Variants in ZNF317 observed in about 807,000 individuals in gnomAD.
The protein encoded by ZNF317 is zinc finger protein 317.
Under a neutral mutation model 23.4 loss-of-function variants are expected in ZNF317, and 17 were observed. The ratio of observed to expected loss-of-function variants is 0.73; its 90% CI spans 0.50 to 1.09. The LOEUF is 1.09. Ranked by LOEUF, ZNF317 falls within the 50% of genes least tolerant of loss-of-function variation. ZNF317 has a pLI of 0.00. For missense variants in ZNF317, 679 were observed against 796.7 expected, an observed-to-expected ratio of 0.85 and a Z score of 1.78; for synonymous variants, 317 against 314.9, an observed-to-expected ratio of 1.01 and a Z score of -0.07.
intron 1 of ZNF317, among the ~76,000 whole-genome samples, chr19:9,153,825 G>A (rs541159553): frequency 6.6e-6 from 1 of 152,278 alleles, no homozygotes; most frequent in Admixed American, 6.5e-5. Flanking sequence ...CACTGACACG[G>A]GAGTAAATTG....
intron 1 of ZNF317, among the ~76,000 whole-genome samples, chr19:9,149,299 C>G (rs904988965): frequency 2.0e-5 from 3 of 151,990 alleles, no homozygotes; most frequent in Non-Finnish European, 4.4e-5. Context: ...CATGGTGAAA[C>G]CCTGTCTCTA....
intron 1 of ZNF317, among the ~76,000 whole-genome samples, chr19:9,154,988 G>A (rs976697773): frequency 1.2e-4 from 19 of 152,262 alleles, no homozygotes; most frequent in African/African-American, 4.6e-4. Context: ...TGAAATGTCT[G>A]TTTATTAATT....
chr19:9,155,168 G>A (rs753881340), intron 1 of ZNF317, among the ~76,000 whole-genome samples: 7 of 151,836 alleles, frequency 4.6e-5, no homozygotes, highest in South Asian at 4.2e-4. Context: ...TTCCCAATCC[G>A]TGGTTCACTG....
intron 6 of ZNF317, 26 bp downstream of exon 6, chr19:9,158,934 G>T (rs749021987): frequency 1.3e-6 from 2 of 1,544,340 alleles, no homozygotes; most frequent in African/African-American, 2.7e-5. Context: ...GATAATTCTG[G>T]ATCTTCCTTC....
rs200823628 is a variant in ZNF317 at position 9,158,377 on chromosome 19, T to C, written c.385+302T>C. 1.3e-3 allele frequency among the ~76,000 whole-genome samples: 164 copies of C among 128,318 alleles called. 4 individuals carry two copies. In the East Asian group the frequency reaches 0.028, roughly 22 times the overall value. 84.2% of individuals were successfully genotyped at this position (128,318 alleles called of 152,430 possible). Reference sequence around the variant, plus strand: ...ATTTCTTTTTTCTTTTTTTTTTTTTTTTTTTTTTTTTTTTGACGGAGTCTC... The same window carrying C: ...ATTTCTTTTTTCTTTTTTTTTTTTTCTTTTTTTTTTTTTTGACGGAGTCTC... On this transcript the variant is annotated intron_variant, in intron 5 of 6. Coordinates refer to ENST00000247956, the MANE Select transcript of ZNF317 (RefSeq NM_020933.5).
intron 1 of ZNF317, among the ~76,000 whole-genome samples, chr19:9,148,563 C>T (rs2050708452): frequency 1.7e-5 from 2 of 117,486 alleles, no homozygotes; most frequent in South Asian, 2.3e-4. Flanking sequence ...TATGGTCTCC[C>T]AAGGTCTGGG....
intron 1 of ZNF317, among the ~76,000 whole-genome samples, chr19:9,153,267 T>C (rs1253562835): frequency 6.6e-6 from 1 of 152,160 alleles, no homozygotes; most frequent in Non-Finnish European, 1.5e-5. Context: ...GTTCAAGCGA[T>C]TCTCCTGCCT....
chr19:9,148,503 G>A (rs1164705406), intron 1 of ZNF317, among the ~76,000 whole-genome samples: 1 of 152,124 alleles, frequency 6.6e-6, no homozygotes, highest in Non-Finnish European at 1.5e-5. Context: ...TAATTTCACA[G>A]GACCTTCTGA....
At position 9,147,175 on chromosome 19, in the gene ZNF317, T is replaced by A. The variant is rs191298331; in HGVS notation, c.-93+6583T>A. 2.6e-5 allele frequency among the ~76,000 whole-genome samples: 4 copies of A among 152,092 alleles called. No individual in the cohort carries two copies. The East Asian group carries it at 7.8e-4, about 29-fold the overall frequency. ...TGGTGAGGAGAAAAACAGATCCCAA[T>A]GAGAATAGAGTAAGATGTGTAGAAA... On this transcript the variant is annotated intron_variant, in intron 1 of 6. Transcript: ENST00000247956.
intron 1 of ZNF317, among the ~76,000 whole-genome samples, chr19:9,155,215 A>G (rs373266948): frequency 1.5e-4 from 22 of 151,382 alleles, no homozygotes; most frequent in Non-Finnish European, 2.7e-4. Context: ...TTTTGTTTTT[A>G]GAGACAGAAT....
At chr19:9,158,179 A>G (rs148444099) in intron 5 of ZNF317, 104 bp downstream of exon 5, 692 of 1,362,598 alleles carry the variant, frequency 5.1e-4, no homozygotes, top group Non-Finnish European at 6.0e-4. Flanking sequence ...AAATTGAGAG[A>G]TGCTCCTTCC....
intron 1 of ZNF317, among the ~76,000 whole-genome samples, chr19:9,142,701 T>G (rs980539114): frequency 6.6e-5 from 10 of 152,116 alleles, no homozygotes; most frequent in African/African-American, 2.4e-4. Context: ...AATTAATGAG[T>G]GAATAATATA....
rs35259257 is a variant in ZNF317, at chr19:9,147,330, GTTTTTTTT to G, written c.-93+6758_-93+6765del. ...TGGTGACAGCATTCCAATGACACTG[GTTTTTTTT>G]TTTTTTTTTTTTTTTTTTTGAGATG... is the stretch of plus-strand genomic sequence containing the variant. On this transcript the variant is annotated intron_variant, in intron 1 of 6. Transcript: ENST00000247956. Among the ~76,000 whole-genome samples, 405 of 110,132 alleles carry G rather than the reference GTTTTTTTT, an allele frequency of 3.7e-3. 5 individuals are homozygous for G. Among genetic ancestry groups the G allele is most frequent in the African/African-American group, 0.01 (261 of 25,604 alleles). 72.3% of individuals were successfully genotyped at this position (110,132 alleles called of 152,430 possible).
intron 1 of ZNF317, among the ~76,000 whole-genome samples, chr19:9,151,992 C>T (rs1268601268): frequency 4.0e-5 from 6 of 150,770 alleles, no homozygotes; most frequent in East Asian, 2.0e-4. Flanking sequence ...CTGCAAGCTC[C>T]GCCTCCCAGG....
chr19:9,157,821 C>A (rs1400684958), intron 4 of ZNF317, 159 bp from the exon 5 acceptor site: 1 of 1,377,198 alleles, frequency 7.3e-7, no homozygotes, highest in East Asian at 2.8e-5. Context: ...AAAACTTTTA[C>A]TGTGTTCCTT....
intron 1 of ZNF317, among the ~76,000 whole-genome samples, chr19:9,154,061 G>A (rs1424649171): frequency 6.6e-6 from 1 of 152,164 alleles, no homozygotes; most frequent in Non-Finnish European, 1.5e-5. Context: ...CAGGTAGTGC[G>A]AGGGTCCAGA....
At chr19:9,155,747 C>G (rs901910562) in intron 1 of ZNF317, among the ~76,000 whole-genome samples, 178 bp from the exon 2 acceptor site, 2 of 152,174 alleles carry the variant, frequency 1.3e-5, no homozygotes, top group African/African-American at 4.8e-5. Context: ...GGGGCTGTCC[C>G]CCCACCACAT....
chr19:9,143,966 A>T (rs2145938770), intron 1 of ZNF317, among the ~76,000 whole-genome samples: 6 of 104,788 alleles, frequency 5.7e-5, no homozygotes, highest in Admixed American at 2.0e-4. Flanking sequence ...TTTTATTTCC[A>T]TTCTTATTGT....
At chr19:9,154,225 T>C (rs574644285) in intron 1 of ZNF317, among the ~76,000 whole-genome samples, 1 of 152,276 alleles carries the variant, frequency 6.6e-6, no homozygotes, top group Admixed American at 6.5e-5. Flanking sequence ...GCCTCATTTT[T>C]TTTCTTTCTT....
Sources: gnomAD v4.1 joint callset for allele counts (sites outside exome capture counted in the v4.1 genomes callset) on GRCh38, gnomAD v4.1.1 for gene constraint, MANE v1.5 for transcripts, NCBI Gene and HGNC (gene_info 2026-07-23, HGNC 2026-07-21) for gene names.